The following ZBTB20 variants were observed in gnomAD, a reference collection of about 807,000 sequenced individuals.
ZBTB20 encodes zinc finger and BTB domain-containing protein 20.
Under a neutral mutation model 56.9 loss-of-function variants are expected in ZBTB20, and 9 were observed. The observed-to-expected ratio is 0.16, with a 90% CI of 0.10 to 0.28. The LOEUF (loss-of-function observed/expected upper bound fraction) is 0.28. Among genes scored for constraint, ZBTB20 ranks in the 10% least tolerant of loss-of-function variants. ZBTB20 has a pLI of 1.00. For synonymous variants in ZBTB20, 417 were observed against 420.7 expected, an observed-to-expected ratio of 0.99 and a Z score of 0.11; for missense variants, 655 against 1,003.0, an observed-to-expected ratio of 0.65 and a Z score of 4.69.
chr3:114,585,854 A>G (rs1242362593), intron 6 of ZBTB20, among the ~76,000 whole-genome samples: 2 of 152,264 alleles, frequency 1.3e-5, no homozygotes, highest in African/African-American at 4.8e-5. Flanking sequence ...TCTGACATGT[A>G]CAGTATCAGC....
chr3:114,887,443 C>A (rs1043981430), intron 4 of ZBTB20, among the ~76,000 whole-genome samples: 1 of 152,072 alleles, frequency 6.6e-6, no homozygotes, highest in Non-Finnish European at 1.5e-5. Context: ...TAATTAAGAA[C>A]CATGAGATAA....
At chr3:114,388,152 C>T (rs1576538415) in intron 8 of ZBTB20, 1 of 152,306 alleles carries the variant, frequency 6.6e-6, no homozygotes, top group East Asian at 1.9e-4. Flanking sequence ...TTACCTGCCT[C>T]ATAACATATA....
Position 114,329,735 on chromosome 3 carries a change from A to AAACAAC in ZBTB20, c.*9264_*9269dup, listed in dbSNP as rs1553785010. 1.4e-5 allele frequency: 2 copies of AAACAAC among 138,598 alleles called. No homozygotes were observed. The highest frequency in any genetic ancestry group is 6.1e-5 in the African/African-American group (2 of 32,850). The allele number at this position is 138,598 out of a possible 1,614,324, so 8.6% of individuals were successfully genotyped here. A position where few individuals can be genotyped will look rare whatever the true frequency, so the allele number is the denominator to read the frequency against. ...AAAAAAAAAAAAAAAAAAAAAAAAA[A>AAACAAC]AACAACTCCCAGGAAAATGAACACT... On this transcript the variant is annotated 3_prime_UTR_variant, in exon 12 of 12. Transcript: ENST00000675478.
At chr3:114,732,527 C>T in intron 5 of ZBTB20, among the ~76,000 whole-genome samples, 1 of 152,158 alleles carries the variant, frequency 6.6e-6, no homozygotes, top group South Asian at 2.1e-4. Flanking sequence ...ACACAGGGCT[C>T]TGCATGGCTT....
intron 10 of ZBTB20, among the ~76,000 whole-genome samples, chr3:114,357,885 A>G (rs1157036790): frequency 1.3e-5 from 2 of 152,264 alleles, no homozygotes; most frequent in Non-Finnish European, 2.9e-5. Context: ...GAGAAAAGTT[A>G]CTTTTCAGAA....
At chr3:114,959,270 G>A (rs1253434067) in intron 3 of ZBTB20, among the ~76,000 whole-genome samples, 1 of 152,122 alleles carries the variant, frequency 6.6e-6, no homozygotes, top group Non-Finnish European at 1.5e-5. Context: ...AAATTGACAT[G>A]AGGGAAAAGA....
At chr3:114,830,599 ACTC>A (rs1400589355) in intron 4 of ZBTB20, among the ~76,000 whole-genome samples, 1 of 151,774 alleles carries the variant, frequency 6.6e-6, no homozygotes, top group Non-Finnish European at 1.5e-5. Flanking sequence ...GATCTTATTT[ACTC>A]CTCCTCACCA....
intron 3 of ZBTB20, among the ~76,000 whole-genome samples, chr3:114,936,275 C>T (rs140213976): frequency 2.6e-5 from 4 of 152,252 alleles, no homozygotes; most frequent in African/African-American, 9.6e-5. Context: ...CATGCATGCA[C>T]GCACACATGC....
At chr3:115,009,515 T>G (rs1477942617) in intron 2 of ZBTB20, among the ~76,000 whole-genome samples, 1 of 151,950 alleles carries the variant, frequency 6.6e-6, no homozygotes, top group Admixed American at 6.6e-5. Context: ...AAGTAGAGGT[T>G]ACATATGTGC....
intron 7 of ZBTB20, among the ~76,000 whole-genome samples, chr3:114,488,168 T>C (rs1404721257): frequency 1.3e-5 from 2 of 152,214 alleles, no homozygotes; most frequent in Non-Finnish European, 2.9e-5. Flanking sequence ...GGTGCTTTGC[T>C]TCCCACAACA....
intron 6 of ZBTB20, among the ~76,000 whole-genome samples, chr3:114,518,107 G>C (rs1234422059): frequency 6.6e-6 from 1 of 152,112 alleles, no homozygotes; most frequent in Non-Finnish European, 1.5e-5. Context: ...GTTTCCAAGG[G>C]GCCTTCCTTG....
At chr3:114,688,506 G>A (rs1367296023) in intron 6 of ZBTB20, 1 of 151,970 alleles carries the variant, frequency 6.6e-6, no homozygotes, top group African/African-American at 2.4e-5. Context: ...CACACTTCTA[G>A]AGTGCAGGTC....
chr3:114,563,895 G>A (rs2052399004), intron 6 of ZBTB20, among the ~76,000 whole-genome samples: 1 of 152,138 alleles, frequency 6.6e-6, no homozygotes, highest in African/African-American at 2.4e-5. Context: ...GCAGGTTCAT[G>A]GGAACTGTAT....
intron 4 of ZBTB20, among the ~76,000 whole-genome samples, chr3:114,864,907 C>A (rs1455054847): frequency 2.0e-5 from 3 of 151,740 alleles, no homozygotes; most frequent in African/African-American, 4.8e-5. Flanking sequence ...TTTTATGTTT[C>A]CCCTTTACGG....
At chr3:115,000,867 C>G (rs762680182) in intron 2 of ZBTB20, among the ~76,000 whole-genome samples, 1 of 151,428 alleles carries the variant, frequency 6.6e-6, no homozygotes, top group Non-Finnish European at 1.5e-5. Context: ...GAATATATAA[C>G]AAGTCCTATG....
chr3:114,890,622 G>A (rs927397662), intron 4 of ZBTB20, among the ~76,000 whole-genome samples: 1 of 152,106 alleles, frequency 6.6e-6, no homozygotes, highest in African/African-American at 2.4e-5. Flanking sequence ...ACGGGGGAGG[G>A]ATTGCATTAG....
intron 4 of ZBTB20, among the ~76,000 whole-genome samples, chr3:114,847,355 T>C (rs1272545001): frequency 1.3e-5 from 2 of 151,738 alleles, no homozygotes; most frequent in African/African-American, 4.8e-5. Context: ...ATATCCCTGA[T>C]CACCAACTTT....
In ZBTB20 at chr3:114,320,402, C is replaced by G. The variant is rs1303000790; in HGVS notation, c.*18603G>C. ...TAACAAAAGTACAATACAATAGAAT[C>G]AGGCATTGCCAAGAATAGCATGATG... is the stretch of plus-strand genomic sequence containing the variant. On this transcript the variant is annotated 3_prime_UTR_variant, in exon 12 of 12. Coordinates refer to ENST00000675478, the MANE Select transcript of ZBTB20 (RefSeq NM_001348800.3). 2.6e-5 allele frequency: 4 copies of G among 152,154 alleles called. No individual in the cohort carries two copies. Among genetic ancestry groups the G allele is most frequent in the African/African-American group, 7.2e-5 (3 of 41,440 alleles). 9.4% of individuals were successfully genotyped at this position (152,154 alleles called of 1,614,324 possible).
intron 5 of ZBTB20, among the ~76,000 whole-genome samples, chr3:114,793,204 G>A (rs1425322635): frequency 6.6e-6 from 1 of 151,988 alleles, no homozygotes; most frequent in Non-Finnish European, 1.5e-5. Context: ...TTTGATAGCA[G>A]CAATAAGGCT....
Sources: allele counts gnomAD v4.1 joint callset (sites outside exome capture counted in the v4.1 genomes callset), GRCh38; gene constraint gnomAD v4.1.1; transcripts MANE v1.5; gene names NCBI Gene and HGNC (gene_info 2026-07-23, HGNC 2026-07-21).